EPHB1: variants seen among roughly 807,000 people sequenced by gnomAD.
EPHB1 encodes the protein ephrin type-B receptor 1.
A neutral mutation model predicts 94.4 loss-of-function variants in EPHB1; 30 were observed. The ratio of observed to expected loss-of-function variants is 0.32; its 90% CI spans 0.24 to 0.43. EPHB1 has a LOEUF of 0.43. EPHB1 is among the 20% of genes least tolerant of loss of function. The pLI is 1.00. For missense variants in EPHB1, 1,055 were observed against 1,308.3 expected (o/e 0.81, Z 2.99); for synonymous variants, 522 against 489.1 (o/e 1.07, Z -0.89).
chr3:134,989,495 G>A (rs974631860), intron 3 of EPHB1, among the ~76,000 whole-genome samples: 5 of 101,132 alleles, frequency 4.9e-5, no homozygotes, highest in South Asian at 3.0e-4. Flanking sequence ...GCACGCGCGC[G>A]TGCACACACA....
At chr3:135,173,781 G>A (rs1349642263) in intron 9 of EPHB1, among the ~76,000 whole-genome samples, 1 of 152,208 alleles carries the variant, frequency 6.6e-6, no homozygotes, top group Admixed American at 6.5e-5. Context: ...TTTCTGACCA[G>A]CTTCTAAGCA....
chr3:135,248,154 C>T (rs540072405), intron 13 of EPHB1, among the ~76,000 whole-genome samples, 162 bp from the exon 14 acceptor site: 1 of 152,300 alleles, frequency 6.6e-6, no homozygotes, highest in East Asian at 1.9e-4. Flanking sequence ...GGGGGATAAA[C>T]CAAGTGCACA....
chr3:134,972,571 AAT>A (rs1934020680), intron 3 of EPHB1, among the ~76,000 whole-genome samples: 1 of 141,998 alleles, frequency 7.0e-6, no homozygotes, highest in Non-Finnish European at 1.6e-5. Flanking sequence ...TTATATATTA[AAT>A]ATATATAATG....
intron 12 of EPHB1, among the ~76,000 whole-genome samples, chr3:135,224,492 A>G (rs1320135634): frequency 6.6e-6 from 1 of 152,092 alleles, no homozygotes. Flanking sequence ...ATTACTTTTG[A>G]TCACCTGGTC....
intron 5 of EPHB1, among the ~76,000 whole-genome samples, chr3:135,133,540 G>A (rs1940502620): frequency 6.6e-6 from 1 of 152,176 alleles, no homozygotes; most frequent in Non-Finnish European, 1.5e-5. Context: ...GAAACCCAAT[G>A]ACAGAAATTT....
At chr3:134,905,374 C>A (rs915723616) in intron 1 of EPHB1, among the ~76,000 whole-genome samples, 8 of 152,222 alleles carry the variant, frequency 5.3e-5, no homozygotes, top group African/African-American at 1.9e-4. Context: ...AGCCACTCCC[C>A]GCCACACCTT....
intron 12 of EPHB1, among the ~76,000 whole-genome samples, chr3:135,230,497 C>T (rs1408079045): frequency 2.0e-5 from 3 of 152,292 alleles, no homozygotes; most frequent in South Asian, 4.1e-4. Context: ...TAGCAGGACC[C>T]AGGCTTCAGG....
At chr3:135,164,473 C>T (rs1280689166) in intron 7 of EPHB1, among the ~76,000 whole-genome samples, 1 of 152,142 alleles carries the variant, frequency 6.6e-6, no homozygotes, top group Non-Finnish European at 1.5e-5. Context: ...GTTTAACAGT[C>T]GGGCTCAGGT....
chr3:135,188,966 C>T (rs1942395523), intron 10 of EPHB1, among the ~76,000 whole-genome samples: 1 of 152,072 alleles, frequency 6.6e-6, no homozygotes, highest in Non-Finnish European at 1.5e-5. Context: ...GACACCATGA[C>T]CACGAAGGTA....
At chr3:135,026,482 A>AT (rs1356199665) in intron 3 of EPHB1, among the ~76,000 whole-genome samples, 1 of 149,606 alleles carries the variant, frequency 6.7e-6, no homozygotes, top group Non-Finnish European at 1.5e-5. Context: ...TCCTTTCCCC[A>AT]TTGCTTGTTT....
intron 3 of EPHB1, among the ~76,000 whole-genome samples, chr3:134,972,470 A>T (rs1448192721): frequency 7.1e-6 from 1 of 140,562 alleles, no homozygotes; most frequent in Non-Finnish European, 1.6e-5. Flanking sequence ...TCTAATATAT[A>T]TTAAATATAT....
intron 4 of EPHB1, among the ~76,000 whole-genome samples, chr3:135,124,276 G>A (rs1352741518): frequency 6.6e-6 from 1 of 151,628 alleles, no homozygotes; most frequent in East Asian, 1.9e-4. Flanking sequence ...TCTGCTCTGA[G>A]AGAGCTCCCC....
chr3:134,926,620 A>G (rs1199321089), intron 2 of EPHB1, among the ~76,000 whole-genome samples: 1 of 152,226 alleles, frequency 6.6e-6, no homozygotes, highest in Non-Finnish European at 1.5e-5. Flanking sequence ...TGTGTATGGA[A>G]GAGAGCATGG....
chr3:135,121,174 G>A (rs973924543), intron 4 of EPHB1, among the ~76,000 whole-genome samples: 2 of 152,202 alleles, frequency 1.3e-5, no homozygotes, highest in African/African-American at 2.4e-5. Context: ...AGTGGCTTGC[G>A]AGGAGCTGAG....
intron 3 of EPHB1, among the ~76,000 whole-genome samples, chr3:135,074,704 C>T (rs2107783655): frequency 6.6e-6 from 1 of 152,318 alleles, no homozygotes. Flanking sequence ...TGGGCCATCC[C>T]CTCCCCTCTG....
chr3:135,085,488 C>A (rs887461212), intron 3 of EPHB1, among the ~76,000 whole-genome samples: 24 of 152,226 alleles, frequency 1.6e-4, no homozygotes, highest in Admixed American at 6.5e-5. Flanking sequence ...TGGAATCACC[C>A]ACCTTGGAGC....
chr3:134,857,117 C>T (rs1361224021), intron 1 of EPHB1, among the ~76,000 whole-genome samples: 1 of 152,186 alleles, frequency 6.6e-6, no homozygotes, highest in East Asian at 1.9e-4. Flanking sequence ...CCAGGGGAAG[C>T]CAAATGAGCC....
intron 1 of EPHB1, among the ~76,000 whole-genome samples, chr3:134,835,496 G>A (rs1230547773): frequency 6.6e-6 from 1 of 152,216 alleles, no homozygotes; most frequent in Non-Finnish European, 1.5e-5. Context: ...TACTTGCATT[G>A]TTTTGAATCT....
chr3:135,130,158 T>C (rs1940369182), intron 4 of EPHB1, among the ~76,000 whole-genome samples: 1 of 151,966 alleles, frequency 6.6e-6, no homozygotes, highest in African/African-American at 2.4e-5. Flanking sequence ...GCTTTTGCAA[T>C]AGGGTAGGAA....
Sources: allele counts gnomAD v4.1 joint callset (sites outside exome capture counted in the v4.1 genomes callset), GRCh38; gene constraint gnomAD v4.1.1; transcripts MANE v1.5; gene names NCBI Gene and HGNC (gene_info 2026-07-23, HGNC 2026-07-21).